The following NUMB variants were observed in gnomAD, a reference collection of about 807,000 sequenced individuals.
NUMB encodes the protein NUMB endocytic adaptor protein.
A neutral mutation model predicts 59.7 loss-of-function variants in NUMB; 29 were observed. That is an observed-to-expected ratio of 0.49 (90% CI 0.36 to 0.66). The LOEUF (loss-of-function observed/expected upper bound fraction) is 0.66. NUMB is among the 30% of genes least tolerant of loss of function. The pLI is 0.00. For missense variants in NUMB, 723 were observed against 822.0 expected (o/e 0.88, Z 1.47); for synonymous variants, 288 against 288.2 (o/e 1.00, Z 0.01).
Position 73,279,380 on chromosome 14 carries a change from G to A in NUMB, c.1141C>T (p.His381Tyr). The A allele has an allele frequency of 1.2e-6, 2 of 1,607,542 alleles. No homozygotes were observed. Among genetic ancestry groups the A allele is most frequent in the Non-Finnish European group, 1.7e-6 (2 of 1,176,974 alleles). ...SAFHVLAKPA[H>Y]TALAPVAMPV... The stretch of plus-strand genomic sequence containing the variant: ...ATTGCTACGGGTGCTAGAGCAGTAT[G>A]GGCTGGCTTAGCAAGCACATGGAAG... Residue 381 changes from histidine (H) to tyrosine (Y), a missense_variant, in exon 12 of 13, where the codon CAT becomes TAT. This residue lies in a region of NUMB where 406 missense variants were observed against 385.4 expected (regional missense o/e 1.05). Transcript: ENST00000555238.
chr14:73,427,254 G>A (rs1368333124), intron 1 of NUMB, among the ~76,000 whole-genome samples: 2 of 151,904 alleles, frequency 1.3e-5, no homozygotes, highest in African/African-American at 2.4e-5. Context: ...AGAGGCAGAC[G>A]GATCACCTGA....
At chr14:73,283,044 T>G (rs1888735396) in intron 10 of NUMB, among the ~76,000 whole-genome samples, 1 of 152,218 alleles carries the variant, frequency 6.6e-6, no homozygotes, top group Non-Finnish European at 1.5e-5. Context: ...AAGCATATGA[T>G]CTATGATAAC....
At chr14:73,441,425 C>T (rs1883057808) in intron 1 of NUMB, among the ~76,000 whole-genome samples, 1 of 152,008 alleles carries the variant, frequency 6.6e-6, no homozygotes, top group Non-Finnish European at 1.5e-5. Flanking sequence ...GTGCACGCCT[C>T]AGCTGAGAGG....
At chr14:73,316,012 G>A (rs184454828) in intron 6 of NUMB, among the ~76,000 whole-genome samples, 30 of 152,110 alleles carry the variant, frequency 2.0e-4, no homozygotes, top group Admixed American at 7.2e-4. Flanking sequence ...TCAGCCTCCC[G>A]AGTAGCTGGG....
chr14:73,457,271 A>G (rs542523298), intron 1 of NUMB, among the ~76,000 whole-genome samples: 3 of 152,168 alleles, frequency 2.0e-5, no homozygotes, highest in African/African-American at 7.2e-5. Flanking sequence ...CTGTCAATGA[A>G]CCTATTTCCT....
chr14:73,317,561 T>C (rs1288508506), intron 5 of NUMB, among the ~76,000 whole-genome samples: 2 of 152,162 alleles, frequency 1.3e-5, no homozygotes, highest in East Asian at 3.9e-4. Flanking sequence ...CTAAGCCTCC[T>C]AAAGTGCTGG....
intron 1 of NUMB, among the ~76,000 whole-genome samples, chr14:73,449,979 C>T (rs1011029158): frequency 1.1e-4 from 17 of 152,186 alleles, no homozygotes; most frequent in South Asian, 4.1e-4. Flanking sequence ...TGAGCCACCG[C>T]GCCCAGCCTT....
At chr14:73,382,846 A>G (rs1399557809) in intron 2 of NUMB, among the ~76,000 whole-genome samples, 1 of 152,216 alleles carries the variant, frequency 6.6e-6, no homozygotes, top group Non-Finnish European at 1.5e-5. Flanking sequence ...AGAAGACAAT[A>G]GGAAAAGATC....
At chr14:73,449,974 C>G (rs996137865) in intron 1 of NUMB, among the ~76,000 whole-genome samples, 4 of 152,200 alleles carry the variant, frequency 2.6e-5, no homozygotes, top group African/African-American at 9.6e-5. Flanking sequence ...AGATGTGAGC[C>G]ACCGCGCCCA....
At chr14:73,334,905 C>T (rs1016541721) in intron 4 of NUMB, among the ~76,000 whole-genome samples, 17 of 148,342 alleles carry the variant, frequency 1.1e-4, no homozygotes, top group Admixed American at 2.7e-4. Context: ...GCTGAAATTG[C>T]GCCACTGCAC....
chr14:73,437,036 TCTCTC>T (rs1217334271), intron 1 of NUMB, among the ~76,000 whole-genome samples: 4 of 138,732 alleles, frequency 2.9e-5, no homozygotes, highest in Non-Finnish European at 6.1e-5. Flanking sequence ...ATATTTTTTC[TCTCTC>T]TTTTTTTTTT....
chr14:73,289,371 A>G (rs1393955904), intron 8 of NUMB, among the ~76,000 whole-genome samples: 3 of 152,222 alleles, frequency 2.0e-5, no homozygotes, highest in Non-Finnish European at 2.9e-5. Context: ...TCAATGGATG[A>G]TTTTTAGCAG....
intron 2 of NUMB, among the ~76,000 whole-genome samples, chr14:73,378,020 T>TACACACAC (rs760071335): frequency 0.17 from 22,520 of 133,720 alleles, 2,390 homozygotes; most frequent in Non-Finnish European, 0.23. Flanking sequence ...CACACACACA[T>TACACACAC]ACACACACAC....
intron 1 of NUMB, among the ~76,000 whole-genome samples, chr14:73,442,128 T>A (rs140259460): frequency 6.8e-6 from 1 of 147,746 alleles, no homozygotes; most frequent in African/African-American, 2.5e-5. Flanking sequence ...GGCAGGAGAA[T>A]AGCTTGAGCC....
chr14:73,433,894 A>G (rs1897939506), intron 1 of NUMB, among the ~76,000 whole-genome samples: 2 of 152,140 alleles, frequency 1.3e-5, no homozygotes, highest in Non-Finnish European at 2.9e-5. Flanking sequence ...GTTTGAGACC[A>G]TCCTAGCCAA....
rs764819635 is a variant in NUMB at position 73,277,138 on chromosome 14, C to A, written c.1396G>T (p.Val466Phe). Residue 466 changes from valine to phenylalanine, a missense_variant, in exon 13 of 13, where the codon GTT becomes TTT. Around this residue, in one of 2 missense-constraint regions of NUMB, gnomAD observed 406 missense variants for 385.4 expected, o/e 1.05. Coordinates refer to ENST00000555238, the MANE Select transcript of NUMB (RefSeq NM_001005743.2). ...GCAGTGGGTGGAGGAGGCTGGAGAA[C>A]TGGCTGCAGAGGAGCAGCTGAGGCC... ...PQASAAPLQP[V>F]LQPPPPTAIS... is the part of the protein sequence containing the mutation. 3 of 1,613,964 alleles carry A rather than the reference C, an allele frequency of 1.9e-6. No homozygotes were observed. The South Asian group carries it at 3.3e-5, about 18-fold the overall frequency.
At position 73,279,380 on chromosome 14, in the gene NUMB, G is replaced by T; in HGVS notation, c.1141C>A (p.His381Asn). 1.9e-6 allele frequency: 3 copies of T among 1,607,542 alleles called. No homozygotes were observed. Among genetic ancestry groups the T allele is most frequent in the Non-Finnish European group, 2.5e-6 (3 of 1,176,974 alleles). ...ATTGCTACGGGTGCTAGAGCAGTAT[G>T]GGCTGGCTTAGCAAGCACATGGAAG... ...SAFHVLAKPA[H>N]TALAPVAMPV... The change falls in exon 12 of 13, where the codon CAT becomes AAT. Residue 381 changes from histidine (H) to asparagine (N), a missense_variant. Physicochemically the swap from His to Asn is moderately conservative, Grantham distance 68. Around this residue, in one of 2 missense-constraint regions of NUMB, gnomAD observed 406 missense variants for 385.4 expected, o/e 1.05. Coordinates refer to ENST00000555238, the MANE Select transcript of NUMB (RefSeq NM_001005743.2).
intron 1 of NUMB, among the ~76,000 whole-genome samples, chr14:73,436,001 G>A (rs1370475742): frequency 6.9e-6 from 1 of 145,704 alleles, no homozygotes; most frequent in African/African-American, 2.6e-5. Flanking sequence ...GCAAGACTCT[G>A]TTTCAAAAAA....
intron 4 of NUMB, among the ~76,000 whole-genome samples, chr14:73,353,072 G>GTTGTTTTTTTTTTTTTTTTTTTT (rs1893522798): frequency 1.7e-5 from 1 of 58,514 alleles, no homozygotes; most frequent in Non-Finnish European, 3.3e-5. Context: ...AGTTTTTCTT[G>GTTGTTTTTTTTTTTTTTTTTTTT]TTTTTTTTTT....
Sources: allele counts gnomAD v4.1 joint callset (sites outside exome capture counted in the v4.1 genomes callset), GRCh38; gene constraint gnomAD v4.1.1; regional missense constraint gnomAD v4.1.1; transcripts MANE v1.5; gene names NCBI Gene and HGNC (gene_info 2026-07-23, HGNC 2026-07-21).